PAK4: variants seen among roughly 807,000 people sequenced by gnomAD.
PAK4 encodes the protein p21 (RAC1) activated kinase 4, also known as serine/threonine-protein kinase PAK 4.
In PAK4, 49 loss-of-function variants were observed where a neutral mutation model predicts 53.5. The observed-to-expected ratio is 0.92, with a 90% CI of 0.73 to 1.16. PAK4 has a LOEUF of 1.16. Ranked by LOEUF, PAK4 falls within the 50% of genes most tolerant of loss-of-function variation. The probability of loss-of-function intolerance (pLI) is 0.00; values close to 1 mark genes in which losing one functional copy is unlikely to be tolerated. For missense variants in PAK4, 824 were observed against 850.7 expected (o/e 0.97, Z 0.39); for synonymous variants, 376 against 375.6 (o/e 1.00, Z -0.01).
At chr19:39,141,302 C>T (rs775509172) in intron 1 of PAK4, among the ~76,000 whole-genome samples, 1 of 151,030 alleles carries the variant, frequency 6.6e-6, no homozygotes, top group Non-Finnish European at 1.5e-5. Context: ...CTCATGCTTC[C>T]CCAGTTGTCT....
chr19:39,156,537 C>T (rs886356436), intron 1 of PAK4, among the ~76,000 whole-genome samples: 1 of 151,964 alleles, frequency 6.6e-6, no homozygotes, highest in Non-Finnish European at 1.5e-5. Context: ...TTGGGGTCCC[C>T]GCCCAGCCCT....
chr19:39,168,332 C>T (rs1425896041), intron 1 of PAK4, 30 bp downstream of exon 2: 1 of 152,234 alleles, frequency 6.6e-6, no homozygotes, highest in Non-Finnish European at 1.5e-5. Flanking sequence ...ACTCCAGGGC[C>T]CAGGCCCGGG....
Position 39,156,850 on chromosome 19 carries a change from G to A in PAK4, c.-22-12682G>A, listed in dbSNP as rs1209509614. On this transcript the variant is annotated intron_variant, in intron 1 of 8. Transcript: ENST00000358301. ...AGGAAGTGGGAAAGAGCGTGGTGGAGGTGAGCTGGCCAGGCCTCGGGAGGG... is the reference window on the plus strand; with the variant it reads ...AGGAAGTGGGAAAGAGCGTGGTGGAAGTGAGCTGGCCAGGCCTCGGGAGGG... 4 of 152,624 alleles carry A rather than the reference G, an allele frequency of 2.6e-5. No homozygotes were observed. In the East Asian group the frequency reaches 7.7e-4, roughly 29 times the overall value. The allele number at this position is 152,624 out of a possible 1,614,324, so 9.5% of individuals were successfully genotyped here. A position where few individuals can be genotyped will look rare whatever the true frequency, so the allele number is the denominator to read the frequency against.
At chr19:39,144,261 G>A (rs147554500) in intron 1 of PAK4, among the ~76,000 whole-genome samples, 5 of 152,224 alleles carry the variant, frequency 3.3e-5, no homozygotes, top group African/African-American at 4.8e-5. Flanking sequence ...TGATACACTC[G>A]CCGTGTGACT....
chr19:39,174,424 G>A (rs1469676737), intron 4 of PAK4, among the ~76,000 whole-genome samples: 1 of 151,424 alleles, frequency 6.6e-6, no homozygotes, highest in Non-Finnish European at 1.5e-5. Context: ...TGTTTCTGAC[G>A]TTCAGGCCCA....
intron 1 of PAK4, among the ~76,000 whole-genome samples, chr19:39,165,218 T>TAATAATAATAATAATAATAAG (rs2074351751): frequency 2.0e-5 from 3 of 148,388 alleles, no homozygotes; most frequent in Non-Finnish European, 4.5e-5. Context: ...ATAATAATAA[T>TAATAATAATAATAATAATAAG]AAGGCCGGGC....
rs957885071 is a variant in PAK4, at chr19:39,175,176, C to T, written c.1232+112C>T. 2.7e-6 allele frequency: 4 copies of T among 1,485,628 alleles called. No homozygotes were observed. The highest frequency in any genetic ancestry group is 1.9e-5 in the Admixed American group (1 of 53,544). 92.0% of individuals were successfully genotyped at this position (1,485,628 alleles called of 1,614,324 possible). On this transcript the variant is annotated intron_variant, in intron 5 of 8. Transcript: ENST00000358301. The surrounding 1 kb of genome is among the most constrained non-coding windows in gnomAD (Gnocchi z 4.7). ...GTGCTCCGGGCCCCTGGGATGGGGT[C>T]GTGTCTTCCATTCCTCCCACTCCAG...
At chr19:39,177,750 C>G (rs1568533312) in exon 8 of PAK4, 4 of 1,613,690 alleles carry the variant, frequency 2.5e-6, no homozygotes, top group Non-Finnish European at 3.4e-6. Flanking sequence ...CGAGCCACCC[C>G]TCAAAGCCAT....
intron 1 of PAK4, among the ~76,000 whole-genome samples, chr19:39,144,188 AG>A (rs2073963107): frequency 6.6e-6 from 1 of 150,964 alleles, no homozygotes; most frequent in Non-Finnish European, 1.5e-5. Context: ...ATAGATAGAT[AG>A]ATAGATATGG....
rs2074551444 is a variant in PAK4 at position 39,174,070 on chromosome 19, C to T, written c.1098+60C>T. 1.5e-5 allele frequency: 16 copies of T among 1,040,400 alleles called. 1 individual carries two copies. The highest frequency in any genetic ancestry group is 2.6e-5 in the East Asian group (1 of 38,094). The allele number at this position is 1,040,400 out of a possible 1,614,324, so 64.4% of individuals were successfully genotyped here. A position where few individuals can be genotyped will look rare whatever the true frequency, so the allele number is the denominator to read the frequency against. ...CTCCCACCCCTCCCTCCCACCCTCC[C>T]TCCCCTCCTCCCTCCTCTCCCTGCA... On this transcript the variant is annotated intron_variant, in intron 4 of 8. Transcript: ENST00000358301.
At chr19:39,156,673 G>T (rs886329573) in intron 1 of PAK4, 7 of 150,984 alleles carry the variant, frequency 4.6e-5, no homozygotes, top group African/African-American at 1.7e-4. Flanking sequence ...TCCTGGCCGC[G>T]TCACCACCGC....
At chr19:39,137,531 C>T (rs1393653081) in intron 1 of PAK4, among the ~76,000 whole-genome samples, 2 of 152,114 alleles carry the variant, frequency 1.3e-5, no homozygotes, top group African/African-American at 4.8e-5. Context: ...AGTCCTTCGC[C>T]CATTTTGCAA....
intron 1 of PAK4, among the ~76,000 whole-genome samples, chr19:39,165,062 A>G (rs2074347055): frequency 6.6e-6 from 1 of 151,792 alleles, no homozygotes; most frequent in Non-Finnish European, 1.5e-5. Flanking sequence ...GACAGGTCAC[A>G]CAGGAGGGAG....
At position 39,176,723 on chromosome 19, in the gene PAK4, CCGGG is replaced by C. The variant is rs1568532239; in HGVS notation, c.1485+9_1485+12del. The C allele has an allele frequency of 1.2e-6, 2 of 1,607,280 alleles. No individual in the cohort carries two copies. Among genetic ancestry groups the C allele is most frequent in the South Asian group, 2.2e-5 (2 of 91,072 alleles). On this transcript the variant is annotated intron_variant, in intron 7 of 8. Transcript: ENST00000358301. ...CTTCCCTACGGGCCAGAGGTGAGCCCCGGGGTGGCTTGGTTGTCCCGCCGTGGAC... is the reference window on the plus strand; with the variant it reads ...CTTCCCTACGGGCCAGAGGTGAGCCCGTGGCTTGGTTGTCCCGCCGTGGAC...
At chr19:39,174,898 C>T (rs2074569816) in intron 4 of PAK4, 33 bp from the exon 6 acceptor site, 6 of 1,612,420 alleles carry the variant, frequency 3.7e-6, no homozygotes, top group Non-Finnish European at 4.2e-6. Context: ...AGCCCTCCCG[C>T]CTCCCTCCAC....
At chr19:39,181,615 G>C (rs1409693821), downstream of PAK4, 1 of 152,408 alleles carries the variant, frequency 6.6e-6, no homozygotes, top group African/African-American at 2.4e-5. Flanking sequence ...CCTCCTCCTG[G>C]CAGACCCTTC....
rs1048559721 is a variant in PAK4, at chr19:39,175,273, C to A, written c.1233-39C>A. 7.7e-6 allele frequency: 12 copies of A among 1,548,776 alleles called. No homozygotes were observed. Among genetic ancestry groups the A allele is most frequent in the Non-Finnish European group, 1.1e-5 (12 of 1,142,560 alleles). On this transcript the variant is annotated intron_variant, in intron 5 of 8. Coordinates refer to ENST00000358301, the Ensembl canonical transcript of PAK4. The surrounding 1 kb of genome is among the most constrained non-coding windows in gnomAD (Gnocchi z 4.7). ...GCGTCCCCCTCGGCACCCCGGGGTG[C>A]TGTCCAGCTGGCTGCTCACCCCCCA...
At chr19:39,146,637 C>G (rs544039074) in intron 1 of PAK4, among the ~76,000 whole-genome samples, 2 of 152,046 alleles carry the variant, frequency 1.3e-5, no homozygotes, top group Non-Finnish European at 2.9e-5. Flanking sequence ...CCTAGGAGTT[C>G]GAGATCAGCC....
intron 1 of PAK4, among the ~76,000 whole-genome samples, chr19:39,148,544 T>C (rs968630725): frequency 7.6e-6 from 1 of 130,826 alleles, no homozygotes; most frequent in African/African-American, 2.8e-5. Context: ...AGCCTCTGCC[T>C]CCTGGGTTCA....
Sources: gnomAD v4.1 joint callset for allele counts (sites outside exome capture counted in the v4.1 genomes callset) on GRCh38, gnomAD v4.1.1 for gene constraint, Gnocchi (gnomAD v3.1) non-coding constraint, MANE v1.5 for transcripts, NCBI Gene and HGNC (gene_info 2026-07-23, HGNC 2026-07-21) for gene names.